Variants in SLC9A6 observed in about 807,000 individuals in gnomAD.
The protein encoded by SLC9A6 is solute carrier family 9 member A6, also known as sodium/hydrogen exchanger 6.
A neutral mutation model predicts 45.3 loss-of-function variants in SLC9A6; 6 were observed. The observed-to-expected ratio is 0.13, with a 90% CI of 0.07 to 0.26. The LOEUF is 0.26. SLC9A6 is among the 10% of genes least tolerant of loss of function. The pLI is 1.00. For synonymous variants in SLC9A6, 191 were observed against 187.7 expected (o/e 1.02, Z -0.14); for missense variants, 278 against 503.7 (o/e 0.55, Z 4.29).
intron 2 of SLC9A6, among the ~76,000 whole-genome samples, chrX:135,988,451 C>T (rs782240529): frequency 1.9e-5 from 2 of 107,252 alleles, no homozygotes; most frequent in African/African-American, 3.4e-5. Context: ...CTTTCTTTCT[C>T]TCTCTTTTCT....
chrX:136,030,029 A>G (rs1328861066), intron 14 of SLC9A6, 103 bp from the exon 15 acceptor site: 12 of 799,165 alleles, frequency 1.5e-5, no homozygotes, highest in African/African-American at 1.4e-4. Flanking sequence ...TAACCATTCC[A>G]TAGCTTCTGT....
chrX:135,985,724 G>A lies in SLC9A6; in HGVS notation c.66G>A (p.Leu22=), dbSNP rs1230295623. The change falls in exon 2 of 18, where the codon CTG becomes CTA. Residue 22 remains leucine, a synonymous_variant. Transcript: ENST00000630721. ...EESHRQDSAN[L]LIFILLLTLT... Reference sequence around the variant, plus strand: ...GCCACCGGCAGGACAGCGCCAACCTGCTCATCTTCATCCTGCTGCTCACCC... The same window carrying A: ...GCCACCGGCAGGACAGCGCCAACCTACTCATCTTCATCCTGCTGCTCACCC... 3 of 1,209,961 alleles carry A rather than the reference G, an allele frequency of 2.5e-6. No individual in the cohort carries two copies. The African/African-American group carries it at 5.2e-5, about 21-fold the overall frequency.
At chrX:135,976,831 TCTC>T (rs1364525672) in intron 1 of SLC9A6, among the ~76,000 whole-genome samples, 1 of 111,850 alleles carries the variant, frequency 8.9e-6, no homozygotes, top group African/African-American at 3.2e-5. Flanking sequence ...AGTTTTGTTT[TCTC>T]TATTGCCCTC....
intron 15 of SLC9A6, among the ~76,000 whole-genome samples, chrX:136,031,392 C>G (rs1569525558): frequency 8.9e-6 from 1 of 111,831 alleles, no homozygotes; most frequent in African/African-American, 3.2e-5. Context: ...CGTTTTTTTT[C>G]CCATACCTTC....
intron 11 of SLC9A6, among the ~76,000 whole-genome samples, 186 bp downstream of exon 11, chrX:136,016,944 A>G (rs1301644226): frequency 1.8e-5 from 2 of 111,383 alleles, no homozygotes; most frequent in Non-Finnish European, 3.8e-5. Flanking sequence ...ATTTGTGGTT[A>G]TTGCACAAAT....
In SLC9A6 at chrX:136,045,386, CTT is replaced by C. The variant is rs374532605; in HGVS notation, c.*664_*665del. 1.8e-5 allele frequency: 2 copies of C among 112,601 alleles called. No homozygotes were observed. Among genetic ancestry groups the C allele is most frequent in the African/African-American group, 6.5e-5 (2 of 30,680 alleles). The allele number at this position is 112,601 out of a possible 1,213,427, so 9.3% of individuals were successfully genotyped here. A position where few individuals can be genotyped will look rare whatever the true frequency, so the allele number is the denominator to read the frequency against. ...AGAAGGCTGCAAATGACTTCTGAGACTTTATGTCTTTTCTTCCAGACCAAGAC... is the reference window on the plus strand; with the variant it reads ...AGAAGGCTGCAAATGACTTCTGAGACTATGTCTTTTCTTCCAGACCAAGAC... On this transcript the variant is annotated 3_prime_UTR_variant, in exon 18 of 18. Coordinates refer to ENST00000630721, the MANE Select transcript of SLC9A6 (RefSeq NM_001379110.1).
At chrX:136,002,968 CCCTAGTT>C (rs2089604372) in intron 7 of SLC9A6, among the ~76,000 whole-genome samples, 2 of 111,464 alleles carry the variant, frequency 1.8e-5, no homozygotes, top group African/African-American at 6.5e-5. Context: ...CCACCTGTCC[CCCTAGTT>C]CCTTGTAGAT....
At chrX:136,007,672 G>A (rs1239689352) in intron 7 of SLC9A6, among the ~76,000 whole-genome samples, 1 of 110,905 alleles carries the variant, frequency 9.0e-6, no homozygotes, top group Non-Finnish European at 1.9e-5. Context: ...AACAATAAAG[G>A]CATAGTAGTA....
In SLC9A6 at chrX:136,016,616, TG is replaced by T. The variant is rs201179989; in HGVS notation, c.1081-27del. 1.9e-3 allele frequency: 1,435 copies of T among 773,647 alleles called. 16 individuals carry two copies. In the African/African-American group the frequency reaches 0.026, roughly 14 times the overall value. 63.8% of individuals were successfully genotyped at this position (773,647 alleles called of 1,213,427 possible). A position where few individuals can be genotyped will look rare whatever the true frequency, so the allele number is the denominator to read the frequency against. On this transcript the variant is annotated intron_variant, in intron 10 of 17. Transcript: ENST00000630721. ...TTTCAAATTATGTAACTTTATTTGC[TG>T]GACTAATCTTTTACAATTTCGTTTC... is the stretch of plus-strand genomic sequence containing the variant.
intron 15 of SLC9A6, among the ~76,000 whole-genome samples, chrX:136,030,817 A>G (rs782308994): frequency 1.1e-4 from 12 of 111,570 alleles, no homozygotes; most frequent in South Asian, 3.7e-4. Flanking sequence ...CTGTTTTTCA[A>G]TTGCTTCTGA....
intron 17 of SLC9A6, among the ~76,000 whole-genome samples, chrX:136,043,672 A>G (rs1044437808): frequency 1.2e-4 from 13 of 112,535 alleles, no homozygotes; most frequent in African/African-American, 4.2e-4. Context: ...TCATTATAAT[A>G]AAATTTCAGA....
intron 7 of SLC9A6, among the ~76,000 whole-genome samples, chrX:136,003,262 T>G (rs1017725495): frequency 3.6e-5 from 4 of 112,548 alleles, no homozygotes; most frequent in African/African-American, 1.3e-4. Flanking sequence ...GTGCTGAGAT[T>G]ACAGGCGTGA....
chrX:136,012,571 T>C (rs1163988841), intron 8 of SLC9A6, among the ~76,000 whole-genome samples: 7 of 113,017 alleles, frequency 6.2e-5, no homozygotes, highest in African/African-American at 2.3e-4. Context: ...TATGTATTTT[T>C]ATAAATGTAA....
chrX:136,024,489 T>G lies in SLC9A6; in HGVS notation c.1460+6T>G. On this transcript the variant is annotated splice_donor_region_variant and intron_variant, in intron 13 of 17. Transcript: ENST00000630721. ...CTGTCATGCTTGCATATCAGGTAAG[T>G]ACTAACTAGAGACCTCATTTTAAGA... 1 of 1,195,643 alleles carries G rather than the reference T, an allele frequency of 8.4e-7. No individual in the cohort carries two copies. Among genetic ancestry groups the G allele is most frequent in the Non-Finnish European group, 1.1e-6 (1 of 880,757 alleles).
At chrX:135,978,213 C>T (rs1484777619) in intron 1 of SLC9A6, among the ~76,000 whole-genome samples, 15 of 112,107 alleles carry the variant, frequency 1.3e-4, no homozygotes, top group African/African-American at 4.5e-4. Flanking sequence ...CCTAAAACAT[C>T]AATTGCTTCT....
Position 135,978,796 on chromosome X carries a change from A to C in SLC9A6, c.-57+4013A>C, listed in dbSNP as rs530048367. ...ACTGTTCTTTTTGATAAATGTAGAA[A>C]TTGACCCTTCTAGTCTTAAAGCTTG... is the stretch of plus-strand genomic sequence containing the variant. On this transcript the variant is annotated intron_variant, in intron 1 of 16. Transcript: ENST00000636092. Among the ~76,000 whole-genome samples, 3 of 111,563 alleles carry C rather than the reference A, an allele frequency of 2.7e-5. No individual in the cohort carries two copies. In the South Asian group the frequency reaches 1.1e-3, roughly 42 times the overall value.
rs782617513 is a variant in SLC9A6 at position 136,042,914 on chromosome X, A to G, written c.1768-1538A>G. Reference sequence around the variant, plus strand: ...TGTTTCAGTCATTTCCTTTTTTGCTATTATAAACAATACTTATAGTGAATA... The same window carrying G: ...TGTTTCAGTCATTTCCTTTTTTGCTGTTATAAACAATACTTATAGTGAATA... On this transcript the variant is annotated intron_variant, in intron 17 of 17. Coordinates refer to ENST00000630721, the MANE Select transcript of SLC9A6 (RefSeq NM_001379110.1). Among the ~76,000 whole-genome samples, 8 of 111,865 alleles carry G rather than the reference A, an allele frequency of 7.2e-5. No homozygotes were observed. The South Asian group carries it at 2.6e-3, about 36-fold the overall frequency.
At chrX:136,030,810 T>C (rs894675288) in intron 15 of SLC9A6, among the ~76,000 whole-genome samples, 6 of 111,802 alleles carry the variant, frequency 5.4e-5, no homozygotes, top group African/African-American at 1.6e-4. Flanking sequence ...TTTCCATCTG[T>C]TTTTCAATTG....
At chrX:136,014,332 T>C (rs1556619003) in intron 10 of SLC9A6, among the ~76,000 whole-genome samples, 1 of 109,915 alleles carries the variant, frequency 9.1e-6, no homozygotes, top group Non-Finnish European at 1.9e-5. Flanking sequence ...TTAGGCTTTT[T>C]CCCCCAAGTG....
Sources: allele counts gnomAD v4.1 joint callset (sites outside exome capture counted in the v4.1 genomes callset), GRCh38; gene constraint gnomAD v4.1.1; transcripts MANE v1.5; gene names NCBI Gene and HGNC (gene_info 2026-07-23, HGNC 2026-07-21).